The following MEIS2 variants were observed in gnomAD, a reference collection of about 807,000 sequenced individuals.
MEIS2 encodes homeobox protein Meis2.
In MEIS2, 9 loss-of-function variants were observed where a neutral mutation model predicts 58.6. The observed-to-expected ratio is 0.15, with a 90% CI of 0.09 to 0.27. The LOEUF is 0.27. Among genes scored for constraint, MEIS2 ranks in the 10% least tolerant of loss-of-function variants. MEIS2 has a pLI of 1.00. For synonymous variants in MEIS2, 221 were observed against 228.4 expected (o/e 0.97, Z 0.29); for missense variants, 427 against 635.0 (o/e 0.67, Z 3.52).
intron 6 of MEIS2, among the ~76,000 whole-genome samples, chr15:37,084,499 A>C (rs1004191904): frequency 1.8e-4 from 28 of 152,306 alleles, no homozygotes; most frequent in Middle Eastern, 3.4e-3. Flanking sequence ...ATACCTAATA[A>C]ATTATTGATT....
intron 7 of MEIS2, among the ~76,000 whole-genome samples, chr15:37,050,541 A>G (rs1368019662): frequency 6.6e-6 from 1 of 152,220 alleles, no homozygotes; most frequent in Non-Finnish European, 1.5e-5. Flanking sequence ...TTATTGAAAC[A>G]GACAATAGAG....
At chr15:37,003,702 A>G (rs1009271801) in intron 8 of MEIS2, among the ~76,000 whole-genome samples, 1 of 152,302 alleles carries the variant, frequency 6.6e-6, no homozygotes, top group East Asian at 1.9e-4. Context: ...TGTCTTTCCC[A>G]AATTCATATT....
intron 8 of MEIS2, among the ~76,000 whole-genome samples, chr15:37,030,695 C>T (rs773079937): frequency 4.6e-5 from 7 of 151,700 alleles, no homozygotes; most frequent in Non-Finnish European, 1.0e-4. Context: ...CTTTGTCACC[C>T]AGCCTGGAGT....
At chr15:36,974,323 C>T (rs2141478889) in intron 8 of MEIS2, among the ~76,000 whole-genome samples, 1 of 152,254 alleles carries the variant, frequency 6.6e-6, no homozygotes, top group South Asian at 2.1e-4. Flanking sequence ...CATCGAGCCA[C>T]AGAAGTTGAC....
intron 7 of MEIS2, among the ~76,000 whole-genome samples, chr15:37,072,906 A>C (rs897875750): frequency 1.3e-5 from 2 of 151,802 alleles, no homozygotes; most frequent in Non-Finnish European, 2.9e-5. Context: ...AGAAGTAATC[A>C]CTCCCTCTTC....
At chr15:37,065,541 AGT>A (rs1348069677) in intron 7 of MEIS2, among the ~76,000 whole-genome samples, 2 of 152,176 alleles carry the variant, frequency 1.3e-5, no homozygotes. Context: ...TCAATTAAAG[AGT>A]GTGGTTTTAT....
rs113296906 is a variant in MEIS2, at chr15:36,972,207, T to C, written c.901-21807A>G. On this transcript the variant is annotated intron_variant, in intron 8 of 11. Transcript: ENST00000561208. ...GCCTGAGTAGCACAAAAGTAAGTTA[T>C]GATAAGATGTAGTAGGAAGAGAATG... 1.5e-3 allele frequency among the ~76,000 whole-genome samples: 230 copies of C among 152,278 alleles called. 1 individual carries two copies. The highest frequency in any genetic ancestry group is 5.4e-3 in the African/African-American group (224 of 41,562).
intron 7 of MEIS2, among the ~76,000 whole-genome samples, chr15:37,041,788 CA>C (rs2062433169): frequency 1.3e-5 from 2 of 151,926 alleles, no homozygotes; most frequent in East Asian, 1.9e-4. Context: ...TATGTTCATA[CA>C]AAATATATGT....
At chr15:37,077,176 C>T (rs1385264218) in intron 7 of MEIS2, among the ~76,000 whole-genome samples, 2 of 152,114 alleles carry the variant, frequency 1.3e-5, no homozygotes, top group Non-Finnish European at 1.5e-5. Context: ...TCAAGGAGGA[C>T]ATATAAATAC....
At chr15:37,048,593 A>G (rs1192670202) in intron 7 of MEIS2, among the ~76,000 whole-genome samples, 2 of 152,132 alleles carry the variant, frequency 1.3e-5, no homozygotes, top group African/African-American at 2.4e-5. Context: ...GGTTTTTTGA[A>G]TATTTCTTCC....
intron 7 of MEIS2, among the ~76,000 whole-genome samples, chr15:37,046,765 A>T (rs998239661): frequency 2.0e-5 from 3 of 152,162 alleles, no homozygotes; most frequent in African/African-American, 7.2e-5. Context: ...AATCCTTTAT[A>T]GCAGAAGAGA....
chr15:36,935,792 G>T (rs746638112), intron 9 of MEIS2, among the ~76,000 whole-genome samples: 1 of 145,824 alleles, frequency 6.9e-6, no homozygotes, highest in Non-Finnish European at 1.5e-5. Context: ...CTGTATCTCA[G>T]TTTTTTTTTT....
chr15:36,977,084 G>A (rs895631238), intron 8 of MEIS2, among the ~76,000 whole-genome samples: 2 of 151,800 alleles, frequency 1.3e-5, no homozygotes, highest in Non-Finnish European at 2.9e-5. Flanking sequence ...CACGATTGTG[G>A]GATTGCACTC....
intron 8 of MEIS2, among the ~76,000 whole-genome samples, chr15:36,981,768 C>T (rs1468931190): frequency 6.6e-6 from 1 of 152,090 alleles, no homozygotes; most frequent in African/African-American, 2.4e-5. Context: ...AAAGGAATTC[C>T]ACCCTCATCA....
intron 8 of MEIS2, among the ~76,000 whole-genome samples, chr15:36,963,788 T>C (rs1198617749): frequency 2.6e-5 from 4 of 152,202 alleles, no homozygotes; most frequent in Admixed American, 1.3e-4. Flanking sequence ...GAAACAGAGA[T>C]TGAAATTAGC....
chr15:37,005,082 A>T (rs1398391877), intron 8 of MEIS2, among the ~76,000 whole-genome samples: 1 of 152,200 alleles, frequency 6.6e-6, no homozygotes, highest in Non-Finnish European at 1.5e-5. Context: ...ATTCATAAAA[A>T]CCATGTTGAA....
intron 9 of MEIS2, among the ~76,000 whole-genome samples, chr15:36,931,829 C>T (rs2057990422): frequency 6.6e-6 from 1 of 152,184 alleles, no homozygotes; most frequent in Non-Finnish European, 1.5e-5. Flanking sequence ...TAATCTAATA[C>T]TACATTAGTG....
intron 8 of MEIS2, among the ~76,000 whole-genome samples, chr15:36,963,437 C>T (rs1212908363): frequency 6.6e-6 from 1 of 150,930 alleles, no homozygotes; most frequent in African/African-American, 2.4e-5. Context: ...GGAAACTATA[C>T]TGACAAACTC....
chr15:37,096,669 G>T (rs1451363839), intron 2 of MEIS2, among the ~76,000 whole-genome samples: 2 of 151,976 alleles, frequency 1.3e-5, no homozygotes, highest in Non-Finnish European at 2.9e-5. Flanking sequence ...GAAGACCCCG[G>T]CCACTGCAGC....
Sources: gnomAD v4.1 joint callset for allele counts (sites outside exome capture counted in the v4.1 genomes callset) on GRCh38, gnomAD v4.1.1 for gene constraint, MANE v1.5 for transcripts, NCBI Gene and HGNC (gene_info 2026-07-23, HGNC 2026-07-21) for gene names.